Variants in KCNK5 observed in about 807,000 individuals in gnomAD.
KCNK5 encodes the protein potassium channel subfamily K member 5.
In KCNK5, 18 loss-of-function variants were observed where a neutral mutation model predicts 32.9. The ratio of observed to expected loss-of-function variants is 0.55; its 90% CI spans 0.38 to 0.81. The LOEUF is 0.81. Ranked by LOEUF, KCNK5 falls within the 30% of genes least tolerant of loss-of-function variation. The pLI is 0.00. For missense variants in KCNK5, 507 were observed against 651.0 expected, an observed-to-expected ratio of 0.78 and a Z score of 2.41; for synonymous variants, 276 against 275.3, an observed-to-expected ratio of 1.00 and a Z score of -0.03.
chr6:39,193,434 G>A lies in KCNK5; in HGVS notation c.634+735C>T, dbSNP rs1389175780. Among the ~76,000 whole-genome samples, 4 of 152,390 alleles carry A rather than the reference G, an allele frequency of 2.6e-5. No homozygotes were observed. In the East Asian group the frequency reaches 7.7e-4, roughly 29 times the overall value. On this transcript the variant is annotated intron_variant, in intron 4 of 4. Coordinates refer to ENST00000359534, the MANE Select transcript of KCNK5 (RefSeq NM_003740.4). ...GGCAAAAGGGAGGGGGTACAGAACAGAGGCCTCTGGAGCAGAAGTTGAGGT... is the reference window on the plus strand; with the variant it reads ...GGCAAAAGGGAGGGGGTACAGAACAAAGGCCTCTGGAGCAGAAGTTGAGGT...
intron 1 of KCNK5, 136 bp downstream of exon 1, chr6:39,228,790 A>T: frequency 1.2e-6 from 1 of 807,472 alleles, no homozygotes; most frequent in South Asian, 1.8e-5. Flanking sequence ...CCATGATGAG[A>T]CACGCTCTCT....
intron 1 of KCNK5, among the ~76,000 whole-genome samples, chr6:39,203,422 C>T (rs1012768879): frequency 6.6e-6 from 1 of 152,220 alleles, no homozygotes; most frequent in African/African-American, 2.4e-5. Flanking sequence ...TGGCCTCTGC[C>T]CCTCAGAGGC....
At position 39,224,182 on chromosome 6, in the gene KCNK5, C is replaced by T. The variant is rs116341383; in HGVS notation, c.186+4744G>A. Among the ~76,000 whole-genome samples the T allele has an allele frequency of 3.3e-3, 491 of 150,370 alleles. 1 individual carries two copies. The highest frequency in any genetic ancestry group is 0.011 in the African/African-American group (464 of 41,014). ...CCTCTTCAATTTCCTCTCAAAAAAC[C>T]AGCTTATCCACTTTCCACTTCTGCA... is the stretch of plus-strand genomic sequence containing the variant. On this transcript the variant is annotated intron_variant, in intron 1 of 4. Transcript: ENST00000359534.
At chr6:39,198,156 A>G (rs1771060729) in intron 1 of KCNK5, among the ~76,000 whole-genome samples, 1 of 152,264 alleles carries the variant, frequency 6.6e-6, no homozygotes, top group Non-Finnish European at 1.5e-5. Flanking sequence ...AATGTAATCC[A>G]TCTAGATATC....
At chr6:39,225,688 G>T (rs916337684) in intron 1 of KCNK5, among the ~76,000 whole-genome samples, 1 of 152,208 alleles carries the variant, frequency 6.6e-6, no homozygotes, top group African/African-American at 2.4e-5. Context: ...ATAGAAAATA[G>T]AATTTTCCAG....
intron 1 of KCNK5, among the ~76,000 whole-genome samples, chr6:39,202,071 A>G (rs1215816925): frequency 1.3e-5 from 2 of 152,234 alleles, no homozygotes; most frequent in African/African-American, 2.4e-5. Flanking sequence ...TGCCAGCTTC[A>G]TGGGGACAGG....
chr6:39,229,294 A>T lies in KCNK5; in HGVS notation c.-183T>A. On this transcript the variant is annotated 5_prime_UTR_variant, in exon 1 of 5. Coordinates refer to ENST00000359534, the MANE Select transcript of KCNK5 (RefSeq NM_003740.4). ...GTTGCTTGGCCAAGTTGGCCCACGGAGTGCGGGGAGCTGCGTGGGGCCCCA... is the reference window on the plus strand; with the variant it reads ...GTTGCTTGGCCAAGTTGGCCCACGGTGTGCGGGGAGCTGCGTGGGGCCCCA... 1 of 707,106 alleles carries T rather than the reference A, an allele frequency of 1.4e-6. No individual in the cohort carries two copies. The highest frequency in any genetic ancestry group is 2.8e-5 in the East Asian group (1 of 36,276). The allele number at this position is 707,106 out of a possible 1,614,324, so 43.8% of individuals were successfully genotyped here. A position where few individuals can be genotyped will look rare whatever the true frequency, so the allele number is the denominator to read the frequency against.
Position 39,228,996 on chromosome 6 carries a change from T to C in KCNK5, c.116A>G (p.Tyr39Cys). 1 of 1,614,122 alleles carries C rather than the reference T, an allele frequency of 6.2e-7. No individual in the cohort carries two copies. Among genetic ancestry groups the C allele is most frequent in the Non-Finnish European group, 8.5e-7 (1 of 1,180,018 alleles). ...CTTGAGCAGATGCAGCTTCTGTGTG[T>C]AGTAGTTTTTCTTGGCCTCCTTCCA... ...PHWKEAKKNYYTQKLHLLKEF... is the reference protein window; with the variant it reads ...PHWKEAKKNYCTQKLHLLKEF... The change falls in exon 1 of 5, where the codon TAC becomes TGC. Residue 39 changes from tyrosine (Y) to cysteine (C), a missense_variant. Physicochemically the swap from Tyr to Cys is radical, Grantham distance 194 (BLOSUM62 -2). This residue lies in a region of KCNK5 where 143 missense variants were observed against 219.1 expected (regional missense o/e 0.65). Coordinates refer to ENST00000359534, the MANE Select transcript of KCNK5 (RefSeq NM_003740.4).
intron 1 of KCNK5, among the ~76,000 whole-genome samples, chr6:39,214,308 C>T (rs9471005): frequency 0.02 from 3,054 of 152,296 alleles, 43 homozygotes; most frequent in East Asian, 0.031. Flanking sequence ...AACCTACTGA[C>T]CTGTCCAAAC....
At chr6:39,214,001 G>A (rs1047062829) in intron 1 of KCNK5, among the ~76,000 whole-genome samples, 1 of 152,000 alleles carries the variant, frequency 6.6e-6, no homozygotes, top group Non-Finnish European at 1.5e-5. Flanking sequence ...ACTCCAGCCT[G>A]GGTGATGGTG....
intron 1 of KCNK5, among the ~76,000 whole-genome samples, chr6:39,219,072 G>A (rs1771495006): frequency 6.6e-6 from 1 of 152,190 alleles, no homozygotes; most frequent in South Asian, 2.1e-4. Flanking sequence ...CAAGTTCCTT[G>A]AAAGCAAAAA....
chr6:39,221,332 G>A (rs1161612699), intron 1 of KCNK5, among the ~76,000 whole-genome samples: 32 of 151,990 alleles, frequency 2.1e-4, no homozygotes, highest in Admixed American at 2.1e-3. Context: ...CCCAGCCCCC[G>A]ACTCCACCTC....
chr6:39,224,961 G>C (rs1407107068), intron 1 of KCNK5, among the ~76,000 whole-genome samples: 7 of 151,462 alleles, frequency 4.6e-5, no homozygotes, highest in African/African-American at 1.7e-4. Flanking sequence ...CTGGAGTGCA[G>C]TGGCGCAATC....
intron 1 of KCNK5, among the ~76,000 whole-genome samples, chr6:39,215,930 A>C (rs1771425473): frequency 6.6e-6 from 1 of 152,198 alleles, no homozygotes; most frequent in Non-Finnish European, 1.5e-5. Context: ...CTGGGGATTG[A>C]GTTAACAACC....
chr6:39,201,313 G>A (rs564151019), intron 1 of KCNK5, among the ~76,000 whole-genome samples: 9 of 150,858 alleles, frequency 6.0e-5, no homozygotes, highest in East Asian at 5.8e-4. Flanking sequence ...GTACAGTGGC[G>A]TGATCTCAGC....
chr6:39,191,871 A>G lies in KCNK5; in HGVS notation c.635-116T>C. Reference sequence around the variant, plus strand: ...AGGCCAGAGCACAGGACGGGGGTGCAGTGGGATAGAAAGGGGCCTGTTCTA... The same window carrying G: ...AGGCCAGAGCACAGGACGGGGGTGCGGTGGGATAGAAAGGGGCCTGTTCTA... On this transcript the variant is annotated intron_variant, in intron 4 of 4. Transcript: ENST00000359534. The surrounding 1 kb of genome is among the most constrained non-coding windows in gnomAD (Gnocchi z 5.8). 6 of 1,124,408 alleles carry G rather than the reference A, an allele frequency of 5.3e-6. No homozygotes were observed. Among genetic ancestry groups the G allele is most frequent in the Non-Finnish European group, 5.1e-6 (4 of 788,048 alleles). The allele number at this position is 1,124,408 out of a possible 1,614,324, so 69.7% of individuals were successfully genotyped here. A position where few individuals can be genotyped will look rare whatever the true frequency, so the allele number is the denominator to read the frequency against.
intron 1 of KCNK5, among the ~76,000 whole-genome samples, chr6:39,204,573 G>C (rs767785264): frequency 2.0e-4 from 30 of 152,224 alleles, no homozygotes; most frequent in Admixed American, 2.0e-3. Flanking sequence ...ACTCCTGCCC[G>C]GGTCCTGCCC....
chr6:39,208,586 C>T (rs1482065041), intron 1 of KCNK5, among the ~76,000 whole-genome samples: 1 of 152,248 alleles, frequency 6.6e-6, no homozygotes, highest in Admixed American at 6.5e-5. Flanking sequence ...CAACAGCTGG[C>T]CTCCATCCTC....
intron 1 of KCNK5, among the ~76,000 whole-genome samples, chr6:39,221,905 C>T (rs890850941): frequency 2.6e-4 from 40 of 152,316 alleles, no homozygotes; most frequent in African/African-American, 7.9e-4. Flanking sequence ...TTCACCACTG[C>T]GGCCCAATTA....
Sources: gnomAD v4.1 joint callset for allele counts (sites outside exome capture counted in the v4.1 genomes callset) on GRCh38, gnomAD v4.1.1 for gene constraint, gnomAD v4.1.1 regional missense constraint, Gnocchi (gnomAD v3.1) non-coding constraint, MANE v1.5 for transcripts, NCBI Gene and HGNC (gene_info 2026-07-23, HGNC 2026-07-21) for gene names.